Variants in NCAM1 observed in about 807,000 individuals in gnomAD.
NCAM1 encodes the protein neural cell adhesion molecule 1, also known as antigen recognized by monoclonal antibody 5.1H11.
A neutral mutation model predicts 109.8 loss-of-function variants in NCAM1; 14 were observed. The observed-to-expected ratio is 0.13, with a 90% confidence interval of 0.08 to 0.20. The LOEUF (loss-of-function observed/expected upper bound fraction) is 0.20, where lower values mean the gene tolerates loss of function less well. Ranked by LOEUF, NCAM1 falls within the 10% of genes least tolerant of loss-of-function variation. NCAM1 has a pLI of 1.00. For synonymous variants in NCAM1, 418 were observed against 442.9 expected (o/e 0.94, Z 0.70); for missense variants, 774 against 1,109.9 (o/e 0.70, Z 4.30).
At chr11:113,132,707 G>A (rs1479551230) in intron 1 of NCAM1, among the ~76,000 whole-genome samples, 3 of 151,348 alleles carry the variant, frequency 2.0e-5, no homozygotes, top group African/African-American at 7.3e-5. Flanking sequence ...GGAACCGCTG[G>A]GGAACACTGC....
At chr11:113,071,494 A>C (rs1427736612) in intron 1 of NCAM1, among the ~76,000 whole-genome samples, 4 of 139,042 alleles carry the variant, frequency 2.9e-5, no homozygotes, top group African/African-American at 5.5e-5. Flanking sequence ...GGCTCTATCT[A>C]GGCTCACTGC....
intron 1 of NCAM1, among the ~76,000 whole-genome samples, chr11:113,030,199 G>A (rs965437135): frequency 6.6e-6 from 1 of 152,220 alleles, no homozygotes; most frequent in Non-Finnish European, 1.5e-5. Flanking sequence ...TACTCTATGG[G>A]CAGCAGCTAA....
intron 14 of NCAM1, chr11:113,240,888 G>T: frequency 1.9e-6 from 3 of 1,544,116 alleles, no homozygotes; most frequent in Non-Finnish European, 2.7e-6. Context: ...ACCAGCCACA[G>T]TTTGTTTTGC....
chr11:113,250,952 C>A (rs1373588834), intron 15 of NCAM1, among the ~76,000 whole-genome samples: 1 of 142,362 alleles, frequency 7.0e-6, no homozygotes, highest in Non-Finnish European at 1.5e-5. Context: ...CGCATGCCAC[C>A]ATGCCCAGAT....
At chr11:113,199,154 C>T (rs1256523139) in intron 1 of NCAM1, among the ~76,000 whole-genome samples, 1 of 152,108 alleles carries the variant, frequency 6.6e-6, no homozygotes, top group Admixed American at 6.5e-5. Flanking sequence ...TTATGGAAAG[C>T]AAGAGATGGG....
chr11:113,053,945 C>G (rs1276421017), intron 1 of NCAM1, among the ~76,000 whole-genome samples: 1 of 152,176 alleles, frequency 6.6e-6, no homozygotes, highest in African/African-American at 2.4e-5. Context: ...AGCCATAGGT[C>G]TAGGCAGGGG....
Position 113,270,395 on chromosome 11 carries a change from C to G in NCAM1, c.2339C>G (p.Ser780Trp). ...KDMEEGKAAF[S>W]KDESKEPIVE... is the part of the protein sequence containing the mutation. ...ATGGAGGAGGGCAAGGCCGCCTTCT[C>G]GTGAGTGCAGACCTGTCCACCTTGC... is the stretch of plus-strand genomic sequence containing the variant. The change falls in exon 18 of 20, where the codon TCG (serine) becomes TGG (tryptophan). Residue 780 changes from serine to tryptophan, a missense_variant and splice_region_variant. By Grantham distance (177) the Ser-to-Trp change is radical. Transcript: ENST00000316851. The G allele has an allele frequency of 6.2e-7, 1 of 1,613,940 alleles. No individual in the cohort carries two copies. The highest frequency in any genetic ancestry group is 8.5e-7 in the Non-Finnish European group (1 of 1,179,858).
intron 1 of NCAM1, among the ~76,000 whole-genome samples, chr11:112,973,934 C>T (rs1555067242): frequency 6.6e-6 from 1 of 151,976 alleles, no homozygotes; most frequent in Non-Finnish European, 1.5e-5. Flanking sequence ...TTGATTTTGA[C>T]AAAAGTAATA....
chr11:112,969,977 G>T (rs1219332241), intron 1 of NCAM1, among the ~76,000 whole-genome samples: 2 of 151,986 alleles, frequency 1.3e-5, no homozygotes, highest in Non-Finnish European at 2.9e-5. Context: ...ATGTCTGGGG[G>T]AAAAAAGAGG....
chr11:113,126,941 G>T (rs1258701963), intron 1 of NCAM1, among the ~76,000 whole-genome samples: 1 of 152,204 alleles, frequency 6.6e-6, no homozygotes, highest in Non-Finnish European at 1.5e-5. Flanking sequence ...TGGTGCAAGG[G>T]ACATGTCCAG....
At chr11:113,263,323 G>C in intron 17 of NCAM1, 1 of 1,003,350 alleles carries the variant, frequency 1.0e-6, no homozygotes, top group South Asian at 4.4e-5. Context: ...GTGTCAGATT[G>C]TTAAAATCAC....
chr11:112,963,876 TC>T lies in NCAM1; in HGVS notation c.52+2215del, dbSNP rs1950645140. On this transcript the variant is annotated intron_variant, in intron 1 of 19. Transcript: ENST00000316851. The surrounding 1 kb of genome is among the most constrained non-coding windows in gnomAD (Gnocchi z 4.6). ...GCAGGGGAGGCATTCTAACCAGTGT[TC>T]CCTGGAATGAAAGCGACCTCTTTCC... 6.6e-6 allele frequency among the ~76,000 whole-genome samples: 1 copy of T among 152,074 alleles called. No individual in the cohort carries two copies. The highest frequency in any genetic ancestry group is 6.5e-5 in the Admixed American group (1 of 15,270).
chr11:113,083,378 A>G (rs1300287943), intron 1 of NCAM1, among the ~76,000 whole-genome samples: 2 of 152,202 alleles, frequency 1.3e-5, no homozygotes, highest in Non-Finnish European at 2.9e-5. Context: ...GCCTCCCACC[A>G]GGGCTTGATC....
chr11:113,208,199 G>A (rs962682918), intron 7 of NCAM1, among the ~76,000 whole-genome samples, 197 bp downstream of exon 7: 2 of 152,122 alleles, frequency 1.3e-5, no homozygotes, highest in African/African-American at 2.4e-5. Flanking sequence ...CGGTCTCATA[G>A]CTGGCCTCCC....
chr11:113,264,189 G>A, intron 17 of NCAM1: 1 of 985,176 alleles, frequency 1.0e-6, no homozygotes, highest in South Asian at 4.7e-5. Flanking sequence ...TCTCATCTCT[G>A]AGCATCTCCA....
chr11:113,134,422 A>G (rs968504807), intron 1 of NCAM1, among the ~76,000 whole-genome samples: 1 of 152,082 alleles, frequency 6.6e-6, no homozygotes, highest in Admixed American at 6.5e-5. Context: ...CTTCTTTGCT[A>G]CTGGGTCGCC....
chr11:113,270,336 T>C lies in NCAM1; in HGVS notation c.2280T>C (p.Cys760=). Residue 760 remains cysteine (C), a synonymous_variant, in exon 18 of 20, where the codon TGT becomes TGC. Coordinates refer to ENST00000316851, the MANE Select transcript of NCAM1 (RefSeq NM_181351.5). ...GLFMCIAVNL[C]GKAGPGAKGK... ...TCATGTGCATTGCGGTCAACCTGTG[T>C]GGAAAAGCCGGGCCCGGGGCCAAGG... The C allele has an allele frequency of 6.2e-7, 1 of 1,613,990 alleles. No individual in the cohort carries two copies. The highest frequency in any genetic ancestry group is 8.5e-7 in the Non-Finnish European group (1 of 1,179,886).
chr11:113,097,362 ACTT>A (rs1459414752), intron 1 of NCAM1, among the ~76,000 whole-genome samples: 5 of 152,236 alleles, frequency 3.3e-5, no homozygotes, highest in African/African-American at 7.2e-5. Flanking sequence ...TTTATGTCTT[ACTT>A]CTTATATTTT....
chr11:113,250,740 GATCTCT>G (rs1324366883), intron 15 of NCAM1, among the ~76,000 whole-genome samples: 1 of 152,232 alleles, frequency 6.6e-6, no homozygotes, highest in Non-Finnish European at 1.5e-5. Context: ...ACTTTGTGCA[GATCTCT>G]ATGAGGGAGA....
Sources: allele counts gnomAD v4.1 joint callset (sites outside exome capture counted in the v4.1 genomes callset), GRCh38; gene constraint gnomAD v4.1.1; non-coding constraint Gnocchi (gnomAD v3.1); transcripts MANE v1.5; gene names NCBI Gene and HGNC (gene_info 2026-07-23, HGNC 2026-07-21).